The following GPN3 variants were observed in gnomAD, a reference collection of about 807,000 sequenced individuals.
The protein encoded by GPN3 is ATP-binding domain 1 family member C.
A neutral mutation model predicts 38.7 loss-of-function variants in GPN3; 31 were observed. That is an observed-to-expected ratio of 0.80 (90% CI 0.60 to 1.08). GPN3 has a LOEUF of 1.08. GPN3 is among the 50% of genes least tolerant of loss of function. The probability of loss-of-function intolerance (pLI) is 0.00; values close to 1 mark genes in which losing one functional copy is unlikely to be tolerated. For synonymous variants in GPN3, 116 were observed against 120.2 expected, an observed-to-expected ratio of 0.96 and a Z score of 0.23; for missense variants, 301 against 354.4, an observed-to-expected ratio of 0.85 and a Z score of 1.21.
rs1555202298 is a variant in GPN3 at position 110,465,226 on chromosome 12, CA to C, written c.49-13del. 1 of 1,481,144 alleles carries C rather than the reference CA, an allele frequency of 6.8e-7. No homozygotes were observed. The highest frequency in any genetic ancestry group is 9.4e-7 in the Non-Finnish European group (1 of 1,058,298). The allele number at this position is 1,481,144 out of a possible 1,614,324, so 91.8% of individuals were successfully genotyped here. A position where few individuals can be genotyped will look rare whatever the true frequency, so the allele number is the denominator to read the frequency against. On this transcript the variant is annotated splice_polypyrimidine_tract_variant and intron_variant, in intron 1 of 7. Coordinates refer to ENST00000228827, the MANE Select transcript of GPN3 (RefSeq NM_016301.4). ...GCACAGTAGGTGCTCTGTAATGTCA[CA>C]AGGCATGAGAGGTTAAAGCAACAGG...
intron 2 of GPN3, among the ~76,000 whole-genome samples, chr12:110,462,787 C>T (rs535087677): frequency 1.3e-5 from 2 of 151,140 alleles, no homozygotes; most frequent in Non-Finnish European, 1.5e-5. Context: ...GACGGAGTCT[C>T]GCTCTGTTGC....
Position 110,457,457 on chromosome 12 carries a change from CAAAAAAAAA to C in GPN3, c.450+44_450+52del, listed in dbSNP as rs56713819. On this transcript the variant is annotated intron_variant, in intron 4 of 7. Coordinates refer to ENST00000228827, the MANE Select transcript of GPN3 (RefSeq NM_016301.4). ...ACAGAGTAAGACTCTGTCACACACA[CAAAAAAAAA>C]AAAAAAAAAAAAAAAAAAATCTGTA... 1.1e-4 allele frequency: 63 copies of C among 590,658 alleles called. 1 individual carries two copies. Among genetic ancestry groups the C allele is most frequent in the African/African-American group, 6.0e-4 (12 of 20,074 alleles). 36.6% of individuals were successfully genotyped at this position (590,658 alleles called of 1,614,324 possible). A position where few individuals can be genotyped will look rare whatever the true frequency, so the allele number is the denominator to read the frequency against.
intron 6 of GPN3, among the ~76,000 whole-genome samples, chr12:110,454,419 C>A (rs1189553768): frequency 7.1e-6 from 1 of 140,210 alleles, no homozygotes; most frequent in Non-Finnish European, 1.5e-5. Context: ...GACAGAGTTT[C>A]GCTCTTGTTG....
At position 110,468,188 on chromosome 12, in the gene GPN3, G is replaced by A; in HGVS notation, c.16C>T (p.Gln6Ter). 1 of 1,610,724 alleles carries A rather than the reference G, an allele frequency of 6.2e-7. No homozygotes were observed. The highest frequency in any genetic ancestry group is 8.5e-7 in the Non-Finnish European group (1 of 1,179,952). Residue 6 changes from glutamine (Q) to a stop codon, truncating the protein, a stop_gained, in exon 1 of 8, where the codon CAG (glutamine) becomes TAG (stop). Transcript: ENST00000228827. LOFTEE classifies it high-confidence loss of function. MPRYA[Q>*]LVMGPAGSGK... ...CTGCCCGCGGGGCCCATGACCAGCT[G>A]CGCATACCGAGGCATGTTGGCTCCC...
upstream of GPN3, chr12:110,468,363 T>C: frequency 6.6e-7 from 1 of 1,524,770 alleles, no homozygotes; most frequent in South Asian, 1.2e-5. Flanking sequence ...CCAAATCCCG[T>C]GAGAAACGCG....
upstream of GPN3, chr12:110,468,445 G>C: frequency 1.3e-6 from 2 of 1,535,338 alleles, no homozygotes; most frequent in Non-Finnish European, 1.7e-6. Flanking sequence ...GAAATCGGCC[G>C]TTGGGATGCT....
chr12:110,454,295 A>T (rs2062534287), intron 6 of GPN3, among the ~76,000 whole-genome samples: 1 of 152,206 alleles, frequency 6.6e-6, no homozygotes, highest in African/African-American at 2.4e-5. Flanking sequence ...AATAGGGTTG[A>T]ACTGTGCTTT....
At chr12:110,464,212 A>G (rs965300604) in intron 2 of GPN3, among the ~76,000 whole-genome samples, 9 of 152,088 alleles carry the variant, frequency 5.9e-5, no homozygotes, top group Non-Finnish European at 1.3e-4. Context: ...ACCATCCTTC[A>G]GGTCTAGGCT....
At chr12:110,459,569 A>G in intron 3 of GPN3, 126 bp downstream of exon 3, 1 of 721,704 alleles carries the variant, frequency 1.4e-6, no homozygotes. Context: ...AGTGACAGCC[A>G]TTGAATAAGC....
intron 6 of GPN3, among the ~76,000 whole-genome samples, chr12:110,455,036 C>T (rs1348568301): frequency 1.3e-5 from 2 of 151,860 alleles, no homozygotes; most frequent in Admixed American, 1.3e-4. Context: ...GTTGGCCAGG[C>T]TGGTCTCAAA....
chr12:110,468,341 G>T, upstream of GPN3: 1 of 1,542,446 alleles, frequency 6.5e-7, no homozygotes, highest in Non-Finnish European at 8.7e-7. Flanking sequence ...CTACTACGGG[G>T]CAGCCCGCGG....
intron 2 of GPN3, among the ~76,000 whole-genome samples, chr12:110,462,516 T>C (rs780499210): frequency 6.6e-6 from 1 of 152,230 alleles, no homozygotes; most frequent in Non-Finnish European, 1.5e-5. Flanking sequence ...TCTGCTTCCT[T>C]ACATCTCCAC....
Position 110,453,941 on chromosome 12 carries a change from T to C in GPN3, c.664-70A>G, listed in dbSNP as rs2062532165. On this transcript the variant is annotated intron_variant, in intron 6 of 7. Transcript: ENST00000228827. Reference sequence around the variant, plus strand: ...AAAATACATAATTTTCAACTTATATTTGAGTTTTATAACCATTTGTACTTC... The same window carrying C: ...AAAATACATAATTTTCAACTTATATCTGAGTTTTATAACCATTTGTACTTC... The C allele has an allele frequency of 3.3e-6, 4 of 1,224,350 alleles. No homozygotes were observed. In the Admixed American group the frequency reaches 8.2e-5, roughly 25 times the overall value. The allele number at this position is 1,224,350 out of a possible 1,614,324, so 75.8% of individuals were successfully genotyped here. A position where few individuals can be genotyped will look rare whatever the true frequency, so the allele number is the denominator to read the frequency against.
intron 3 of GPN3, among the ~76,000 whole-genome samples, chr12:110,459,167 G>A (rs1173944950): frequency 6.6e-6 from 1 of 152,146 alleles, no homozygotes; most frequent in Non-Finnish European, 1.5e-5. Context: ...CATGAGGCCA[G>A]AGACCATGGC....
intron 2 of GPN3, among the ~76,000 whole-genome samples, chr12:110,461,831 G>A (rs570559293): frequency 6.6e-6 from 1 of 152,068 alleles, no homozygotes; most frequent in Non-Finnish European, 1.5e-5. Flanking sequence ...GATCCAAATT[G>A]GGACAATCAA....
chr12:110,456,620 T>G (rs184108675), intron 4 of GPN3, among the ~76,000 whole-genome samples: 1 of 151,974 alleles, frequency 6.6e-6, no homozygotes, highest in East Asian at 1.9e-4. Flanking sequence ...CAAAAGGTCC[T>G]CAGAAAATTA....
rs766664609 is a variant in GPN3 at position 110,459,666 on chromosome 12, A to G, written c.325+29T>C. ...GGATGGAACTATCAAGACTTTAAGG[A>G]AGACAATGCATTCAAATTGTTGATT... On this transcript the variant is annotated intron_variant, in intron 3 of 7. Transcript: ENST00000228827. The G allele has an allele frequency of 4.0e-6, 6 of 1,493,238 alleles. No individual in the cohort carries two copies. The African/African-American group carries it at 8.3e-5, about 21-fold the overall frequency. 92.5% of individuals were successfully genotyped at this position (1,493,238 alleles called of 1,614,324 possible).
Position 110,465,146 on chromosome 12 carries a change from C to T in GPN3, c.117G>A (p.Leu39=). 1 of 1,610,778 alleles carries T rather than the reference C, an allele frequency of 6.2e-7. No individual in the cohort carries two copies. Among genetic ancestry groups the T allele is most frequent in the Non-Finnish European group, 8.5e-7 (1 of 1,176,904 alleles). ...ALNRSVQVVN[L]DPAAEHFNYS... The stretch of plus-strand genomic sequence containing the variant: ...AGTTGAAGTGTTCTGCTGCTGGATC[C>T]AGGTTTACAACTTGGACAGACCGGT... The change falls in exon 2 of 8, where the codon CTG becomes CTA. Residue 39 remains leucine (L), a synonymous_variant. Transcript: ENST00000228827.
chr12:110,463,676 G>A (rs1476436290), intron 2 of GPN3, among the ~76,000 whole-genome samples: 2 of 142,758 alleles, frequency 1.4e-5, no homozygotes, highest in East Asian at 4.1e-4. Context: ...GCACGCATCT[G>A]TAGTCCCAGC....
Sources: allele counts gnomAD v4.1 joint callset (sites outside exome capture counted in the v4.1 genomes callset), GRCh38; gene constraint gnomAD v4.1.1; transcripts MANE v1.5; gene names NCBI Gene and HGNC (gene_info 2026-07-23, HGNC 2026-07-21).